Variants in TMEM74B observed in about 807,000 individuals in gnomAD.
TMEM74B encodes the protein transmembrane protein 74B, also known as transmembrane protein C20orf46.
TMEM74B carries 7 observed loss-of-function variants against 6.5 expected under a neutral mutation model. The observed-to-expected ratio is 1.07, with a 90% CI of 0.61 to 2.01. TMEM74B has a LOEUF of 2.01. TMEM74B is among the 30% of genes most tolerant of loss of function. The pLI, the probability that TMEM74B is intolerant of heterozygous loss-of-function variation, is 0.00. For synonymous variants in TMEM74B, 151 were observed against 151.6 expected (o/e 1.00, Z 0.03); for missense variants, 342 against 337.0 (o/e 1.01, Z -0.12).
chr20:1,188,422 ACACAC>A (rs1322618510), upstream of TMEM74B, among the ~76,000 whole-genome samples: 1 of 149,684 alleles, frequency 6.7e-6, no homozygotes, highest in African/African-American at 2.5e-5. Context: ...ACACACACAC[ACACAC>A]CACACACCAC....
upstream of TMEM74B, among the ~76,000 whole-genome samples, chr20:1,188,139 TTA>T (rs200238040): frequency 6.8e-6 from 1 of 146,218 alleles, no homozygotes; most frequent in Non-Finnish European, 1.5e-5. Context: ...ATACAGAAAG[TTA>T]TATATATATA....
chr20:1,185,815 T>G (rs1057052587), upstream of TMEM74B, among the ~76,000 whole-genome samples: 6 of 15,528 alleles, frequency 3.9e-4, no homozygotes, highest in East Asian at 2.0e-3. Context: ...CCACTTCCCC[T>G]TCCCCCCACC....
chr20:1,183,314 GTT>G (rs750836117), intron 2 of TMEM74B, among the ~76,000 whole-genome samples: 1,946 of 143,784 alleles, frequency 0.014, 16 homozygotes, highest in Non-Finnish European at 0.02. Flanking sequence ...GTGTGTGTGT[GTT>G]TGTGTGTGTG....
upstream of TMEM74B, among the ~76,000 whole-genome samples, chr20:1,188,134 G>A (rs1462826205): frequency 6.7e-6 from 1 of 148,668 alleles, no homozygotes; most frequent in East Asian, 2.0e-4. Context: ...ATTACATACA[G>A]AAAGTTATAT....
At chr20:1,185,046 G>T (rs961641394), upstream of TMEM74B, 5 of 152,216 alleles carry the variant, frequency 3.3e-5, no homozygotes, top group African/African-American at 1.2e-4. Context: ...TCGGCGGGCC[G>T]CGAGGTCAGG....
chr20:1,185,698 C>T (rs2087006706), upstream of TMEM74B, among the ~76,000 whole-genome samples: 1 of 149,012 alleles, frequency 6.7e-6, no homozygotes, highest in Non-Finnish European at 1.5e-5. Context: ...GGTCCACGGG[C>T]GCAGGGGCGG....
At position 1,183,770 on chromosome 20, in the gene TMEM74B, C is replaced by G. The variant is rs779544912; in HGVS notation, c.31+1G>C. ...CCTAAGAATTATTATCATGTACAAA[C>G]CTGCAAACTCATACCCCTGTGCTGG... On this transcript the variant is annotated splice_donor_variant, in intron 2 of 2. Transcript: ENST00000429036. LOFTEE classifies it high-confidence loss of function. 1 of 1,614,008 alleles carries G rather than the reference C, an allele frequency of 6.2e-7. No individual in the cohort carries two copies. The highest frequency in any genetic ancestry group is 1.1e-5 in the South Asian group (1 of 91,060).
Position 1,180,751 on chromosome 20 carries a change from T to G in TMEM74B, c.*97A>C. 1 of 1,489,528 alleles carries G rather than the reference T, an allele frequency of 6.7e-7. No homozygotes were observed. Among genetic ancestry groups the G allele is most frequent in the Non-Finnish European group, 8.9e-7 (1 of 1,117,662 alleles). 92.3% of individuals were successfully genotyped at this position (1,489,528 alleles called of 1,614,324 possible). A position where few individuals can be genotyped will look rare whatever the true frequency, so the allele number is the denominator to read the frequency against. On this transcript the variant is annotated 3_prime_UTR_variant, in exon 3 of 3. Transcript: ENST00000429036. This position sits in a 1 kb window ranked among gnomAD's most constrained non-coding sequence, Gnocchi z 6.1. ...CACAAGGCCCTATGTGAGCTCAGTT[T>G]AAAACCCCAGGGCCTTGGCAGGGGT...
rs1229318457 is a variant in TMEM74B at position 1,184,058 on chromosome 20, G to T, written c.-147-110C>A. The T allele has an allele frequency of 6.4e-6, 3 of 468,598 alleles. No homozygotes were observed. The highest frequency in any genetic ancestry group is 1.2e-5 in the Non-Finnish European group (3 of 259,058). The allele number at this position is 468,598 out of a possible 1,614,324, so 29.0% of individuals were successfully genotyped here. The stretch of plus-strand genomic sequence containing the variant: ...CAGCCACAAACAGGGACCAGCAGTG[G>T]GTGCCACATGGGTGCTCAGAAGTGG... On this transcript the variant is annotated intron_variant, in intron 1 of 2. Transcript: ENST00000429036. This position sits in a 1 kb window ranked among gnomAD's most constrained non-coding sequence, Gnocchi z 6.0.
chr20:1,185,706 C>T (rs1176053371), upstream of TMEM74B, among the ~76,000 whole-genome samples: 1 of 137,108 alleles, frequency 7.3e-6, no homozygotes, highest in Non-Finnish European at 1.6e-5. Context: ...GGCGCAGGGG[C>T]GGGGCGGGCG....
upstream of TMEM74B, chr20:1,186,627 T>C (rs1458823820): frequency 6.6e-6 from 1 of 152,210 alleles, no homozygotes; most frequent in African/African-American, 2.4e-5. Flanking sequence ...GTGTGCCATG[T>C]CCTGCTCCTC....
upstream of TMEM74B, among the ~76,000 whole-genome samples, chr20:1,188,329 A>T (rs1406712102): frequency 6.6e-6 from 1 of 151,980 alleles, no homozygotes; most frequent in Non-Finnish European, 1.5e-5. Flanking sequence ...TCCTTGAAGA[A>T]ATTGCTGTTT....
At chr20:1,187,812 G>A (rs115286562), upstream of TMEM74B, among the ~76,000 whole-genome samples, 720 of 152,316 alleles carry the variant, frequency 4.7e-3, 6 homozygotes, top group African/African-American at 0.017. Context: ...ACGAGCCTGG[G>A]CTTAGCAGGT....
Position 1,181,658 on chromosome 20 carries a change from C to T in TMEM74B, c.32-71G>A. ...TGTTGTGGAGGACATCATACCAGTC[C>T]CTAAGCACATGAAGGTGAGTCAGGC... On this transcript the variant is annotated intron_variant, in intron 2 of 2. Coordinates refer to ENST00000429036, the MANE Select transcript of TMEM74B (RefSeq NM_001304748.2). The surrounding 1 kb of genome is among the most constrained non-coding windows in gnomAD (Gnocchi z 4.9). The T allele has an allele frequency of 1.4e-6, 2 of 1,397,834 alleles. No individual in the cohort carries two copies. The highest frequency in any genetic ancestry group is 1.9e-6 in the Non-Finnish European group (2 of 1,080,626). The allele number at this position is 1,397,834 out of a possible 1,614,324, so 86.6% of individuals were successfully genotyped here. A position where few individuals can be genotyped will look rare whatever the true frequency, so the allele number is the denominator to read the frequency against.
In TMEM74B at chr20:1,181,141, C is replaced by G; in HGVS notation, c.478G>C (p.Glu160Gln). Reference sequence around the variant, plus strand: ...CGGGCGTAGTACATCTCCAGTCGTTCCATCTCCCGCGCTGTCACTGTGTCC... The same window carrying G: ...CGGGCGTAGTACATCTCCAGTCGTTGCATCTCCCGCGCTGTCACTGTGTCC... ...NPDTVTAREM[E>Q]RLEMYYARLG... Residue 160 changes from glutamate (E) to glutamine (Q), a missense_variant, in exon 3 of 3, where the codon GAA becomes CAA. Physicochemically the swap from Glu to Gln is conservative, Grantham distance 29. Transcript: ENST00000429036. This position sits in a 1 kb window ranked among gnomAD's most constrained non-coding sequence, Gnocchi z 4.9. The G allele has an allele frequency of 6.2e-7, 1 of 1,614,168 alleles. No homozygotes were observed. The highest frequency in any genetic ancestry group is 8.5e-7 in the Non-Finnish European group (1 of 1,180,034).
At position 1,184,629 on chromosome 20, in the gene TMEM74B, C is replaced by T. The variant is rs1158684232; in HGVS notation, c.-475G>A. The T allele has an allele frequency of 8.9e-6, 1 of 112,724 alleles. No individual in the cohort carries two copies. The highest frequency in any genetic ancestry group is 9.9e-5 in the Admixed American group (1 of 10,100). The allele number at this position is 112,724 out of a possible 1,614,324, so 7.0% of individuals were successfully genotyped here. A position where few individuals can be genotyped will look rare whatever the true frequency, so the allele number is the denominator to read the frequency against. ...TCACACGCACACGCGCGTACACACACACACACACACACACACACACACACA... is the reference window on the plus strand; with the variant it reads ...TCACACGCACACGCGCGTACACACATACACACACACACACACACACACACA... On this transcript the variant is annotated 5_prime_UTR_variant, in exon 1 of 3. The change creates a new upstream start codon in the 5' untranslated region. Transcript: ENST00000429036. This position sits in a 1 kb window ranked among gnomAD's most constrained non-coding sequence, Gnocchi z 6.0.
chr20:1,180,951 A>C lies in TMEM74B; in HGVS notation c.668T>G (p.Ile223Ser). ...ATTGAGCTGTCTCATGCGCAGGTTA[A>C]TGGAGCCGTAGGTCTTCCTGGAGCC... ...GKGSRKTYGS[I>S]NLRMRQLNGD... The change falls in exon 3 of 3, where the codon ATT becomes AGT. Residue 223 changes from isoleucine (I) to serine (S), a missense_variant. Physicochemically the swap from Ile to Ser is moderately radical, Grantham distance 142. Transcript: ENST00000429036. The surrounding 1 kb of genome is among the most constrained non-coding windows in gnomAD (Gnocchi z 6.1). The C allele has an allele frequency of 6.2e-7, 1 of 1,614,056 alleles. No individual in the cohort carries two copies. The highest frequency in any genetic ancestry group is 1.3e-5 in the African/African-American group (1 of 75,028).
In TMEM74B at chr20:1,184,069, G is replaced by C. The variant is rs2086952517; in HGVS notation, c.-147-121C>G. On this transcript the variant is annotated intron_variant, in intron 1 of 2. Coordinates refer to ENST00000429036, the MANE Select transcript of TMEM74B (RefSeq NM_001304748.2). This position sits in a 1 kb window ranked among gnomAD's most constrained non-coding sequence, Gnocchi z 6.0. ...AGGGACCAGCAGTGGGTGCCACATG[G>C]GTGCTCAGAAGTGGCCCCCACCCAC... 2.3e-6 allele frequency: 1 copy of C among 441,404 alleles called. No individual in the cohort carries two copies. The highest frequency in any genetic ancestry group is 2.0e-5 in the African/African-American group (1 of 49,570). The allele number at this position is 441,404 out of a possible 1,614,324, so 27.3% of individuals were successfully genotyped here.
chr20:1,186,503 C>G (rs2087022981), upstream of TMEM74B: 3 of 151,880 alleles, frequency 2.0e-5, no homozygotes, highest in South Asian at 6.2e-4. Context: ...TCGGTTAGTA[C>G]CTCTGGCCTC....
Sources: gnomAD v4.1 joint callset for allele counts (sites outside exome capture counted in the v4.1 genomes callset) on GRCh38, gnomAD v4.1.1 for gene constraint, Gnocchi (gnomAD v3.1) non-coding constraint, MANE v1.5 for transcripts, NCBI Gene and HGNC (gene_info 2026-07-23, HGNC 2026-07-21) for gene names.